DTHD1: variants seen among roughly 807,000 people sequenced by gnomAD.
DTHD1 encodes death domain-containing protein 1.
A neutral mutation model predicts 74.8 loss-of-function variants in DTHD1; 59 were observed. The ratio of observed to expected loss-of-function variants is 0.79; its 90% CI spans 0.64 to 0.98. The LOEUF is 0.98. Among genes scored for constraint, DTHD1 ranks in the 50% least tolerant of loss-of-function variants. The pLI is 0.00. For missense variants in DTHD1, 1,051 were observed against 1,065.4 expected, an observed-to-expected ratio of 0.99 and a Z score of 0.19; for synonymous variants, 365 against 371.1, an observed-to-expected ratio of 0.98 and a Z score of 0.19.
Position 36,347,310 on chromosome 4 carries a change from C to T in DTHD1, c.*3486C>T, listed in dbSNP as rs2109597466. Among the ~76,000 whole-genome samples the T allele has an allele frequency of 6.6e-6, 1 of 152,152 alleles. No homozygotes were observed. The highest frequency in any genetic ancestry group is 6.5e-5 in the Admixed American group (1 of 15,276). ...TGACTTTTTATTCAACTTTATGTTG[C>T]TGAAATTCATCCATTTTGCTGTGTG... On this transcript the variant is annotated 3_prime_UTR_variant, in exon 10 of 10. Coordinates refer to ENST00000639862, the MANE Select transcript of DTHD1 (RefSeq NM_001170700.3).
At chr4:36,320,767 A>C (rs1757995457) in intron 8 of DTHD1, among the ~76,000 whole-genome samples, 2 of 152,216 alleles carry the variant, frequency 1.3e-5, no homozygotes, top group South Asian at 4.1e-4. Context: ...ACCTCAACTA[A>C]GCAGTATTAG....
At chr4:36,339,565 T>C (rs1759203337) in intron 9 of DTHD1, among the ~76,000 whole-genome samples, 1 of 152,210 alleles carries the variant, frequency 6.6e-6, no homozygotes, top group Non-Finnish European at 1.5e-5. Flanking sequence ...TTGAGGTATA[T>C]ATTGATATGA....
intron 1 of DTHD1, among the ~76,000 whole-genome samples, chr4:36,283,363 T>G (rs1277689589): frequency 6.6e-6 from 1 of 152,220 alleles, no homozygotes; most frequent in Non-Finnish European, 1.5e-5. Flanking sequence ...AGAATTGGTA[T>G]GGTCAGAGCT....
intron 1 of DTHD1, 187 bp from the exon 2 acceptor site, chr4:36,283,789 C>T: frequency 1.7e-6 from 1 of 575,584 alleles, no homozygotes. Context: ...TGTTGTCAAT[C>T]CTACAATTGT....
At chr4:36,333,834 T>C (rs1031452741) in intron 8 of DTHD1, 49 of 152,248 alleles carry the variant, frequency 3.2e-4, no homozygotes, top group African/African-American at 9.4e-4. Context: ...TGGAACAGTG[T>C]GGATGCCAAG....
At chr4:36,293,747 T>G (rs1325973550) in intron 4 of DTHD1, 42 bp downstream of exon 4, 1 of 1,433,732 alleles carries the variant, frequency 7.0e-7, no homozygotes, top group Non-Finnish European at 9.3e-7. Flanking sequence ...TCATAGATTT[T>G]GTGGGTCATC....
In DTHD1 at chr4:36,306,204, TC is replaced by T; in HGVS notation, c.1659del (p.Ile554Ter). 6.4e-7 allele frequency: 1 copy of T among 1,551,754 alleles called. No individual in the cohort carries two copies. Among genetic ancestry groups the T allele is most frequent in the Non-Finnish European group, 8.7e-7 (1 of 1,146,958 alleles). On this transcript the variant is annotated frameshift_variant, in exon 6 of 10. Coordinates refer to ENST00000639862, the MANE Select transcript of DTHD1 (RefSeq NM_001170700.3). LOFTEE classifies it high-confidence loss of function. ...ACCATTATATAGGACAAAAATTGCC[TC>T]CATAAGAAAACCTAGGAAAAATGCC... ...PSYFNRTKIA[S>X]IRKPRKNASE...
rs1471673437 is a variant in DTHD1 at position 36,316,489 on chromosome 4, G to T, written c.2340+3G>T. On this transcript the variant is annotated splice_donor_region_variant and intron_variant, in intron 8 of 9. Coordinates refer to ENST00000639862, the MANE Select transcript of DTHD1 (RefSeq NM_001170700.3). The stretch of plus-strand genomic sequence containing the variant: ...AATTACCATTGAAATTGCCAAAGGT[G>T]AGTTATTTTACTTTTCTAATTACTA... 1 of 1,544,552 alleles carries T rather than the reference G, an allele frequency of 6.5e-7. No individual in the cohort carries two copies. Among genetic ancestry groups the T allele is most frequent in the Non-Finnish European group, 8.7e-7 (1 of 1,144,960 alleles).
At chr4:36,295,142 A>G (rs921040386) in intron 5 of DTHD1, 103 bp downstream of exon 5, 1 of 1,228,182 alleles carries the variant, frequency 8.1e-7, no homozygotes, top group Non-Finnish European at 1.1e-6. Context: ...TCTGTATTAA[A>G]ATATTATGAA....
chr4:36,339,244 C>A, intron 9 of DTHD1, 75 bp downstream of exon 9: 3 of 1,026,488 alleles, frequency 2.9e-6, no homozygotes, highest in Non-Finnish European at 2.8e-6. Flanking sequence ...TGAATCATTT[C>A]ATAAAAAGGA....
chr4:36,343,395 C>G (rs1759427866), intron 9 of DTHD1, 107 bp from the exon 10 acceptor site: 1 of 1,106,690 alleles, frequency 9.0e-7, no homozygotes, highest in Non-Finnish European at 1.3e-6. Context: ...TGCTCCAAGG[C>G]CAAACAAAAG....
Position 36,284,498 on chromosome 4 carries a change from C to T in DTHD1, c.794C>T (p.Ser265Leu). 6.5e-7 allele frequency: 1 copy of T among 1,536,742 alleles called. No individual in the cohort carries two copies. Among genetic ancestry groups the T allele is most frequent in the Non-Finnish European group, 8.7e-7 (1 of 1,146,610 alleles). The stretch of plus-strand genomic sequence containing the variant: ...CCAAGAGAAGAGATGACCACATCCT[C>T]AATAATATGTGATATCTCCAAGAAA... ...ESPREEMTTS[S>L]IICDISKKYI... The change falls in exon 2 of 10, where the codon TCA (serine) becomes TTA (leucine). Residue 265 changes from serine to leucine, a missense_variant. By Grantham distance (145) the Ser-to-Leu change is moderately radical. Coordinates refer to ENST00000639862, the MANE Select transcript of DTHD1 (RefSeq NM_001170700.3).
intron 3 of DTHD1, 45 bp downstream of exon 3, chr4:36,290,748 CTT>C: frequency 7.2e-7 from 1 of 1,392,426 alleles, no homozygotes. Flanking sequence ...TTTGGCTCCT[CTT>C]ATAAATATCA....
At chr4:36,326,421 A>T (rs1387169474) in intron 8 of DTHD1, among the ~76,000 whole-genome samples, 1 of 151,356 alleles carries the variant, frequency 6.6e-6, no homozygotes, top group Non-Finnish European at 1.5e-5. Flanking sequence ...ATTGAAAAAA[A>T]AAAAAACCTT....
In DTHD1 at chr4:36,284,313, G is replaced by T; in HGVS notation, c.609G>T (p.Gly203=). Reference sequence around the variant, plus strand: ...CATCACTGAATGGACGTGTACTGGGGCAAGAAGAGTCACAGAATAAAATGT... The same window carrying T: ...CATCACTGAATGGACGTGTACTGGGTCAAGAAGAGTCACAGAATAAAATGT... ...NNTSLNGRVL[G]QEESQNKMFP... The change falls in exon 2 of 10, where the codon GGG becomes GGT. Residue 203 remains glycine (G), a synonymous_variant. Coordinates refer to ENST00000639862, the MANE Select transcript of DTHD1 (RefSeq NM_001170700.3). 1 of 1,537,174 alleles carries T rather than the reference G, an allele frequency of 6.5e-7. No homozygotes were observed. The highest frequency in any genetic ancestry group is 8.7e-7 in the Non-Finnish European group (1 of 1,146,864).
chr4:36,304,543 G>A, intron 5 of DTHD1, among the ~76,000 whole-genome samples: 1 of 152,170 alleles, frequency 6.6e-6, no homozygotes, highest in Non-Finnish European at 1.5e-5. Context: ...GTTAAAACTA[G>A]AGTGTAACTC....
chr4:36,318,863 C>T (rs1306923193), intron 8 of DTHD1, among the ~76,000 whole-genome samples: 1 of 152,210 alleles, frequency 6.6e-6, no homozygotes, highest in Non-Finnish European at 1.5e-5. Context: ...ATCCGCCCGC[C>T]TCGGCCTCCC....
chr4:36,343,885 C>A lies in DTHD1; in HGVS notation c.*61C>A. On this transcript the variant is annotated 3_prime_UTR_variant, in exon 10 of 10. Coordinates refer to ENST00000639862, the MANE Select transcript of DTHD1 (RefSeq NM_001170700.3). ...GCACACGGTGGGTTTTTGTTTCTGT[C>A]AACATTTTCCTGGAAGTTTCCGAAT... 1 of 1,410,248 alleles carries A rather than the reference C, an allele frequency of 7.1e-7. No homozygotes were observed. Among genetic ancestry groups the A allele is most frequent in the Non-Finnish European group, 9.4e-7 (1 of 1,065,398 alleles). The allele number at this position is 1,410,248 out of a possible 1,614,324, so 87.4% of individuals were successfully genotyped here.
Position 36,281,729 on chromosome 4 carries a change from G to C in DTHD1, c.-30G>C, listed in dbSNP as rs1755408591. ...GCAAAACCTTTAGGCTTTGCTGGCA[G>C]GAGAGAAAATACCACTTTTGGATCA... On this transcript the variant is annotated 5_prime_UTR_variant, in exon 1 of 10. Coordinates refer to ENST00000639862, the MANE Select transcript of DTHD1 (RefSeq NM_001170700.3). 2 of 1,234,864 alleles carry C rather than the reference G, an allele frequency of 1.6e-6. No individual in the cohort carries two copies. Among genetic ancestry groups the C allele is most frequent in the African/African-American group, 3.1e-5 (2 of 64,512 alleles). The allele number at this position is 1,234,864 out of a possible 1,614,324, so 76.5% of individuals were successfully genotyped here. A position where few individuals can be genotyped will look rare whatever the true frequency, so the allele number is the denominator to read the frequency against.
Sources: gnomAD v4.1 joint callset for allele counts (sites outside exome capture counted in the v4.1 genomes callset) on GRCh38, gnomAD v4.1.1 for gene constraint, MANE v1.5 for transcripts, NCBI Gene and HGNC (gene_info 2026-07-23, HGNC 2026-07-21) for gene names.